Variants in CNTN4 observed in about 807,000 individuals in gnomAD.
CNTN4 encodes the protein contactin-4.
CNTN4 carries 77 observed loss-of-function variants against 122.5 expected under a neutral mutation model. The ratio of observed to expected loss-of-function variants is 0.63; its 90% CI spans 0.52 to 0.76. The LOEUF (loss-of-function observed/expected upper bound fraction) is 0.76, where lower values mean the gene tolerates loss of function less well. CNTN4 is among the 30% of genes least tolerant of loss of function. CNTN4 has a pLI of 0.00. For synonymous variants in CNTN4, 512 were observed against 447.0 expected (o/e 1.15, Z -1.83); for missense variants, 1,256 against 1,259.1 (o/e 1.00, Z 0.04).
At chr3:2,528,670 T>C (rs567833663) in intron 3 of CNTN4, among the ~76,000 whole-genome samples, 1 of 152,288 alleles carries the variant, frequency 6.6e-6, no homozygotes, top group South Asian at 2.1e-4. Context: ...CCTGTAAGTA[T>C]ATTACTGAAA....
At chr3:2,975,147 C>G (rs2125134271) in intron 13 of CNTN4, among the ~76,000 whole-genome samples, 1 of 150,998 alleles carries the variant, frequency 6.6e-6, no homozygotes, top group East Asian at 1.9e-4. Flanking sequence ...ACATATTTCT[C>G]AATATTAGGA....
intron 2 of CNTN4, among the ~76,000 whole-genome samples, chr3:2,168,184 C>CA (rs1358056384): frequency 3.9e-5 from 6 of 152,070 alleles, no homozygotes; most frequent in African/African-American, 1.4e-4. Context: ...TATATTGTTT[C>CA]AAAAATGTTT....
In CNTN4 at chr3:2,984,657, C is replaced by G. The variant is rs1694383694; in HGVS notation, c.1359-3688C>G. On this transcript the variant is annotated intron_variant, in intron 13 of 24. Transcript: ENST00000418658. ...TGCTTGTTTCCGTATTCATTTCCTT[C>G]AGCATGTCAGAGTTTGATACAGGCG... 2.0e-5 allele frequency among the ~76,000 whole-genome samples: 3 copies of G among 152,198 alleles called. No homozygotes were observed. In the South Asian group the frequency reaches 6.2e-4, roughly 32 times the overall value.
At chr3:2,272,810 C>CT (rs71944369) in intron 2 of CNTN4, among the ~76,000 whole-genome samples, 21,582 of 105,956 alleles carry the variant, frequency 0.2, 1,682 homozygotes, top group Middle Eastern at 0.31. Context: ...ACTACAGAGC[C>CT]TTTTTTTTTT....
rs182121475 is a variant in CNTN4, at chr3:2,817,185, G to T, written c.359-2301G>T. 3.7e-3 allele frequency among the ~76,000 whole-genome samples: 563 copies of T among 152,272 alleles called. 1 individual carries two copies. Among genetic ancestry groups the T allele is most frequent in the African/African-American group, 0.013 (526 of 41,550 alleles). On this transcript the variant is annotated intron_variant, in intron 6 of 24. Coordinates refer to ENST00000418658, the MANE Select transcript of CNTN4 (RefSeq NM_175607.3). ...AACCTTTCCTTAGTTGCAATGTTTG[G>T]GATATGCTTTGGCACTAAATCACAG...
chr3:2,123,930 G>T (rs1453504815), intron 2 of CNTN4, among the ~76,000 whole-genome samples: 2 of 152,134 alleles, frequency 1.3e-5, no homozygotes, highest in African/African-American at 4.8e-5. Flanking sequence ...TCTTGATTAG[G>T]CCCTGGTGAA....
chr3:2,869,680 C>T (rs76989357), intron 8 of CNTN4, among the ~76,000 whole-genome samples: 14,107 of 152,218 alleles, frequency 0.093, 754 homozygotes, highest in Middle Eastern at 0.16. Context: ...GCTTGCCTTC[C>T]CCACCTTGCT....
chr3:2,223,057 G>C (rs2039125620), intron 2 of CNTN4, among the ~76,000 whole-genome samples: 1 of 152,106 alleles, frequency 6.6e-6, no homozygotes, highest in Non-Finnish European at 1.5e-5. Flanking sequence ...GCGAATTTTG[G>C]CTCCCACCTT....
In CNTN4 at chr3:2,765,312, G is replaced by A. The variant is rs115236944; in HGVS notation, c.358+19615G>A. ...AAAGGATGAGATTGAAGATGCTAAC[G>A]AAGTCAGGAAAAGCCCACTTAACCG... On this transcript the variant is annotated intron_variant, in intron 6 of 24. Transcript: ENST00000418658. 2.8e-3 allele frequency among the ~76,000 whole-genome samples: 421 copies of A among 152,298 alleles called. 1 individual carries two copies. Among genetic ancestry groups the A allele is most frequent in the African/African-American group, 4.8e-3 (200 of 41,578 alleles).
At chr3:2,874,975 C>T (rs966194289) in intron 8 of CNTN4, among the ~76,000 whole-genome samples, 12 of 151,744 alleles carry the variant, frequency 7.9e-5, no homozygotes, top group Admixed American at 2.6e-4. Context: ...TGTGCTTATC[C>T]GTTTGTTTTT....
chr3:2,995,107 A>G (rs1695414340), intron 14 of CNTN4, among the ~76,000 whole-genome samples: 1 of 152,176 alleles, frequency 6.6e-6, no homozygotes, highest in Non-Finnish European at 1.5e-5. Flanking sequence ...GTCCCTCAGT[A>G]GAAGAACATC....
intron 3 of CNTN4, among the ~76,000 whole-genome samples, chr3:2,529,416 T>C (rs2077515229): frequency 6.6e-6 from 1 of 152,170 alleles, no homozygotes; most frequent in Admixed American, 6.5e-5. Flanking sequence ...ACAAATATGG[T>C]AGTGCAGACA....
chr3:2,855,638 G>A lies in CNTN4; in HGVS notation c.455-11114G>A, dbSNP rs2093610196. 5.3e-5 allele frequency among the ~76,000 whole-genome samples: 8 copies of A among 152,284 alleles called. 2 individuals carry two copies. The highest frequency in any genetic ancestry group is 5.2e-4 in the Admixed American group (8 of 15,306). ...CAGTCCAGGTGTTCCTGTCACCTTT[G>A]AGTAACTGTGATCTGACCTGTGTCC... is the stretch of plus-strand genomic sequence containing the variant. On this transcript the variant is annotated intron_variant, in intron 7 of 24. Coordinates refer to ENST00000418658, the MANE Select transcript of CNTN4 (RefSeq NM_175607.3).
At chr3:2,803,288 A>G (rs2092390125) in intron 6 of CNTN4, among the ~76,000 whole-genome samples, 1 of 152,190 alleles carries the variant, frequency 6.6e-6, no homozygotes, top group Admixed American at 6.5e-5. Context: ...ATTGTTGAGG[A>G]ACAACAGGAA....
intron 14 of CNTN4, chr3:2,989,149 A>G (rs1694841261): frequency 6.6e-6 from 1 of 152,294 alleles, no homozygotes; most frequent in African/African-American, 2.4e-5. Context: ...ATTGAAAAGG[A>G]GAAAATCTTA....
chr3:2,114,386 G>A (rs2033189574), intron 2 of CNTN4, among the ~76,000 whole-genome samples: 1 of 152,124 alleles, frequency 6.6e-6, no homozygotes, highest in Non-Finnish European at 1.5e-5. Context: ...CTTGAGCTAG[G>A]GAAGTTGAGG....
In CNTN4 at chr3:2,182,471, C is replaced by A. The variant is rs560633054; in HGVS notation, c.-145+81832C>A. ...CTAAATAAGAAATTCCAAGTTAAGT[C>A]TTTTCATCTTTTCATTAATAAATAG... On this transcript the variant is annotated intron_variant, in intron 2 of 24. Transcript: ENST00000418658. Among the ~76,000 whole-genome samples the A allele has an allele frequency of 4.0e-5, 6 of 151,754 alleles. No individual in the cohort carries two copies. The South Asian group carries it at 6.2e-4, about 16-fold the overall frequency.
intron 13 of CNTN4, among the ~76,000 whole-genome samples, chr3:2,951,728 A>G (rs1207618011): frequency 1.3e-5 from 2 of 152,236 alleles, no homozygotes; most frequent in Non-Finnish European, 2.9e-5. Flanking sequence ...ATCTCTCCAC[A>G]GTAGTTTCAC....
chr3:2,996,375 C>G (rs1695538612), intron 14 of CNTN4, among the ~76,000 whole-genome samples: 1 of 152,134 alleles, frequency 6.6e-6, no homozygotes, highest in African/African-American at 2.4e-5. Flanking sequence ...GCCATCCAGA[C>G]AGGAGGTCTG....
Sources: allele counts gnomAD v4.1 joint callset (sites outside exome capture counted in the v4.1 genomes callset), GRCh38; gene constraint gnomAD v4.1.1; transcripts MANE v1.5; gene names NCBI Gene and HGNC (gene_info 2026-07-23, HGNC 2026-07-21).